The following CWC27 variants were observed in gnomAD, a reference collection of about 807,000 sequenced individuals.
The protein encoded by CWC27 is spliceosome-associated protein CWC27 homolog.
Under a neutral mutation model 63.6 loss-of-function variants are expected in CWC27, and 47 were observed. The observed-to-expected ratio is 0.74, with a 90% CI of 0.58 to 0.94. CWC27 has a LOEUF of 0.94. CWC27 is among the 40% of genes least tolerant of loss of function. The pLI, the probability that CWC27 is intolerant of heterozygous loss-of-function variation, is 0.00. For synonymous variants in CWC27, 175 were observed against 179.8 expected, an observed-to-expected ratio of 0.97 and a Z score of 0.22; for missense variants, 495 against 554.3, an observed-to-expected ratio of 0.89 and a Z score of 1.07.
intron 9 of CWC27, among the ~76,000 whole-genome samples, chr5:64,802,306 G>C (rs907884024): frequency 4.6e-5 from 7 of 152,172 alleles, no homozygotes; most frequent in Non-Finnish European, 8.8e-5. Flanking sequence ...CGAAGCAGGA[G>C]AGTTTGGTGT....
chr5:65,001,360 T>C (rs1749729080), intron 13 of CWC27, among the ~76,000 whole-genome samples: 1 of 152,146 alleles, frequency 6.6e-6, no homozygotes, highest in Non-Finnish European at 1.5e-5. Context: ...CCATGTTGAA[T>C]AAGAGTGGTA....
chr5:64,831,896 C>T (rs1479351348), intron 10 of CWC27, among the ~76,000 whole-genome samples: 4 of 151,838 alleles, frequency 2.6e-5, no homozygotes, highest in Non-Finnish European at 4.4e-5. Context: ...TCTTTATTCA[C>T]TCTGTTGTAT....
At chr5:65,002,404 A>G (rs1257040651) in intron 13 of CWC27, among the ~76,000 whole-genome samples, 2 of 151,844 alleles carry the variant, frequency 1.3e-5, no homozygotes, top group African/African-American at 4.8e-5. Flanking sequence ...AAATCGTTCT[A>G]CTTTTTTGAT....
At chr5:64,793,515 C>A (rs1365185392) in intron 7 of CWC27, among the ~76,000 whole-genome samples, 2 of 152,034 alleles carry the variant, frequency 1.3e-5, no homozygotes, top group Non-Finnish European at 2.9e-5. Flanking sequence ...TTTTACACTA[C>A]CAGCACTGTT....
At chr5:64,878,497 A>AAAAAAAAAAAAAAAAAAAAAAAAAC in intron 10 of CWC27, among the ~76,000 whole-genome samples, 1 of 145,352 alleles carries the variant, frequency 6.9e-6, no homozygotes, top group African/African-American at 2.6e-5. Flanking sequence ...AAAAAAAAAA[A>AAAAAAAAAAAAAAAAAAAAAAAAAC]AAAGCACCTG....
intron 11 of CWC27, among the ~76,000 whole-genome samples, chr5:64,890,182 G>A (rs770330225): frequency 2.6e-5 from 4 of 152,140 alleles, no homozygotes; most frequent in Non-Finnish European, 2.9e-5. Flanking sequence ...GAGGAGAAGG[G>A]TCAGGCTGAG....
intron 11 of CWC27, among the ~76,000 whole-genome samples, chr5:64,939,983 T>G (rs999626466): frequency 1.3e-5 from 2 of 152,192 alleles, no homozygotes; most frequent in African/African-American, 4.8e-5. Flanking sequence ...AGCTGGGGTG[T>G]CCCAGGTCAA....
chr5:64,831,900 G>A (rs1268903264), intron 10 of CWC27, among the ~76,000 whole-genome samples: 1 of 151,822 alleles, frequency 6.6e-6, no homozygotes, highest in Admixed American at 6.6e-5. Flanking sequence ...TATTCACTCT[G>A]TTGTATGTAC....
At chr5:64,917,144 A>G (rs1747905774) in intron 11 of CWC27, among the ~76,000 whole-genome samples, 1 of 152,170 alleles carries the variant, frequency 6.6e-6, no homozygotes, top group African/African-American at 2.4e-5. Flanking sequence ...TAATAACTAT[A>G]TGATGGGCTG....
intron 10 of CWC27, among the ~76,000 whole-genome samples, chr5:64,832,484 A>G (rs549553587): frequency 6.6e-6 from 1 of 151,776 alleles, no homozygotes; most frequent in East Asian, 1.9e-4. Context: ...TTTTCTTTCA[A>G]ATATCGAGTA....
At chr5:64,789,579 C>G (rs1744004858) in intron 7 of CWC27, among the ~76,000 whole-genome samples, 1 of 152,052 alleles carries the variant, frequency 6.6e-6, no homozygotes, top group Admixed American at 6.6e-5. Flanking sequence ...AAATCCATGT[C>G]CTTGAATTAT....
intron 10 of CWC27, among the ~76,000 whole-genome samples, chr5:64,823,494 C>CA (rs1745271194): frequency 6.6e-6 from 1 of 152,138 alleles, no homozygotes; most frequent in Non-Finnish European, 1.5e-5. Context: ...AGCCTACCTA[C>CA]AAAATTAGTA....
intron 10 of CWC27, among the ~76,000 whole-genome samples, chr5:64,812,207 T>G (rs530129478): frequency 1.3e-5 from 2 of 152,194 alleles, no homozygotes; most frequent in South Asian, 2.1e-4. Flanking sequence ...GTATACATTT[T>G]TAAATGATAG....
Position 64,866,316 on chromosome 5 carries a change from G to C in CWC27, c.939-19127G>C, listed in dbSNP as rs908127691. ...ACAGTTCCCAATTGGTAATTGACAA[G>C]AGAGATCACTGGTTGATTCTTTTCT... On this transcript the variant is annotated intron_variant, in intron 10 of 13. Transcript: ENST00000381070. 1.1e-4 allele frequency among the ~76,000 whole-genome samples: 16 copies of C among 152,020 alleles called. 1 individual carries two copies. The highest frequency in any genetic ancestry group is 9.8e-4 in the Admixed American group (15 of 15,244).
At chr5:64,801,269 A>C in intron 8 of CWC27, 33 bp from the exon 9 acceptor site, 1 of 1,403,900 alleles carries the variant, frequency 7.1e-7, no homozygotes, top group Non-Finnish European at 9.6e-7. Context: ...TTTACCTTGA[A>C]ACTAAAATTT....
In CWC27 at chr5:64,832,647, T is replaced by C. The variant is rs1003790683; in HGVS notation, c.938+28261T>C. ...ATACTGTATTCAAGTTGGAACTTCA[T>C]AAAATTAATATTTTTTTTACTGCTT... On this transcript the variant is annotated intron_variant, in intron 10 of 13. Transcript: ENST00000381070. Among the ~76,000 whole-genome samples the C allele has an allele frequency of 2.8e-4, 42 of 151,814 alleles. 1 individual carries two copies. Among genetic ancestry groups the C allele is most frequent in the African/African-American group, 9.7e-4 (40 of 41,392 alleles).
At chr5:64,943,951 C>A (rs1351090845) in intron 11 of CWC27, among the ~76,000 whole-genome samples, 1 of 152,128 alleles carries the variant, frequency 6.6e-6, no homozygotes, top group Non-Finnish European at 1.5e-5. Flanking sequence ...TACCAACTCA[C>A]CTGCATCTGT....
chr5:64,881,900 T>C (rs747763134), intron 10 of CWC27, among the ~76,000 whole-genome samples: 1 of 152,204 alleles, frequency 6.6e-6, no homozygotes, highest in Non-Finnish European at 1.5e-5. Context: ...GAAAACATCA[T>C]CTAAATGACT....
Position 64,800,316 on chromosome 5 carries a change from A to G in CWC27, c.738A>G (p.Pro246=). Residue 246 remains proline (P), a synonymous_variant, in exon 8 of 14, where the codon CCA becomes CCG. Coordinates refer to ENST00000381070, the MANE Select transcript of CWC27 (RefSeq NM_005869.4). The stretch of plus-strand genomic sequence containing the variant: ...ATGATCCACATCTCAGTTCTGTTCC[A>G]GTTGTAGAAAGGTTAGTCCATTGTT... ...LKDDPHLSSV[P]VVESEKGDAP... 6 of 1,608,240 alleles carry G rather than the reference A, an allele frequency of 3.7e-6. No individual in the cohort carries two copies. Among genetic ancestry groups the G allele is most frequent in the Non-Finnish European group, 5.1e-6 (6 of 1,176,276 alleles).
Sources: gnomAD v4.1 joint callset for allele counts (sites outside exome capture counted in the v4.1 genomes callset) on GRCh38, gnomAD v4.1.1 for gene constraint, MANE v1.5 for transcripts, NCBI Gene and HGNC (gene_info 2026-07-23, HGNC 2026-07-21) for gene names.